The following YEATS4 variants were observed in gnomAD, a reference collection of about 807,000 sequenced individuals.
YEATS4 encodes the protein YEATS domain containing 4.
In YEATS4, 17 loss-of-function variants were observed where a neutral mutation model predicts 30.1. That is an observed-to-expected ratio of 0.56 (90% CI 0.39 to 0.85). YEATS4 has a LOEUF of 0.85. Among genes scored for constraint, YEATS4 ranks in the 40% least tolerant of loss-of-function variants. The pLI is 0.00. For synonymous variants in YEATS4, 85 were observed against 87.5 expected (o/e 0.97, Z 0.16); for missense variants, 142 against 268.3 (o/e 0.53, Z 3.29).
intron 6 of YEATS4, among the ~76,000 whole-genome samples, chr12:69,371,969 G>A (rs922694550): frequency 4.6e-5 from 7 of 152,206 alleles, no homozygotes; most frequent in Non-Finnish European, 7.3e-5. Context: ...TGAGGACAAA[G>A]GCCCTCAGGT....
downstream of YEATS4, among the ~76,000 whole-genome samples, chr12:69,394,685 G>A (rs779778375): frequency 6.6e-6 from 1 of 152,078 alleles, no homozygotes; most frequent in Admixed American, 6.6e-5. Context: ...CTGGAACACT[G>A]CAGCCTTGAC....
chr12:69,381,133 G>T (rs1256424688), intron 6 of YEATS4, among the ~76,000 whole-genome samples: 1 of 152,164 alleles, frequency 6.6e-6, no homozygotes, highest in African/African-American at 2.4e-5. Flanking sequence ...GTCCTAATAA[G>T]CCTGGGAGTG....
chr12:69,377,659 T>G (rs1253195687), intron 6 of YEATS4, among the ~76,000 whole-genome samples: 1 of 152,214 alleles, frequency 6.6e-6, no homozygotes, highest in Admixed American at 6.5e-5. Context: ...ATTCCTCTTG[T>G]TATTGATTTC....
Position 69,359,858 on chromosome 12 carries a change from G to T in YEATS4, c.-115G>T, listed in dbSNP as rs1196217581. The T allele has an allele frequency of 1.5e-6, 2 of 1,340,064 alleles. No individual in the cohort carries two copies. Among genetic ancestry groups the T allele is most frequent in the Non-Finnish European group, 2.1e-6 (2 of 969,378 alleles). The allele number at this position is 1,340,064 out of a possible 1,614,324, so 83.0% of individuals were successfully genotyped here. A position where few individuals can be genotyped will look rare whatever the true frequency, so the allele number is the denominator to read the frequency against. Reference sequence around the variant, plus strand: ...AGCCCAAGTAACTCGCCCTCCTTCGGCTAGAAACCCTCCGCCTGGGCCCGC... The same window carrying T: ...AGCCCAAGTAACTCGCCCTCCTTCGTCTAGAAACCCTCCGCCTGGGCCCGC... On this transcript the variant is annotated 5_prime_UTR_variant, in exon 1 of 7. Transcript: ENST00000247843.
rs750050342 is a variant in YEATS4 at position 69,387,042 on chromosome 12, T to G, written c.515-3105T>G. Among the ~76,000 whole-genome samples the G allele has an allele frequency of 3.9e-5, 6 of 152,096 alleles. No homozygotes were observed. The South Asian group carries it at 1.0e-3, about 26-fold the overall frequency. The stretch of plus-strand genomic sequence containing the variant: ...TCTTATTCTACTTTTTACTCACCTA[T>G]TTTCAGACCGCTATTGACAGTGGCT... On this transcript the variant is annotated intron_variant, in intron 6 of 6. Transcript: ENST00000247843.
the YEATS4 span, among the ~76,000 whole-genome samples, chr12:69,421,453 T>C: frequency 6.6e-6 from 1 of 152,164 alleles, no homozygotes; most frequent in Non-Finnish European, 1.5e-5. Context: ...CTACTGCAAA[T>C]TCGTATTCAC....
At chr12:69,389,728 G>A (rs573834921) in intron 6 of YEATS4, among the ~76,000 whole-genome samples, 1 of 152,032 alleles carries the variant, frequency 6.6e-6, no homozygotes, top group African/African-American at 2.4e-5. Context: ...GGCCAGGTTG[G>A]TCTCGAACTC....
Position 69,359,775 on chromosome 12 carries a change from C to G in YEATS4, c.-198C>G. The G allele has an allele frequency of 3.2e-6, 2 of 615,908 alleles. No individual in the cohort carries two copies. Among genetic ancestry groups the G allele is most frequent in the South Asian group, 2.2e-5 (1 of 46,284 alleles). The allele number at this position is 615,908 out of a possible 1,614,324, so 38.2% of individuals were successfully genotyped here. A position where few individuals can be genotyped will look rare whatever the true frequency, so the allele number is the denominator to read the frequency against. On this transcript the variant is annotated 5_prime_UTR_variant, in exon 1 of 7. Coordinates refer to ENST00000247843, the MANE Select transcript of YEATS4 (RefSeq NM_006530.4). ...CGCGGCGTTCTCCACCTGCGCGGGC[C>G]TGAATGGCCTTCAGGAGCACAGTCG...
chr12:69,363,341 G>A (rs546743849), intron 2 of YEATS4, among the ~76,000 whole-genome samples: 14 of 152,172 alleles, frequency 9.2e-5, no homozygotes, highest in South Asian at 2.1e-4. Flanking sequence ...AAATTGGTCC[G>A]TTGTAGGAAT....
the YEATS4 span, among the ~76,000 whole-genome samples, chr12:69,414,014 C>A: frequency 6.6e-6 from 1 of 152,096 alleles, no homozygotes; most frequent in African/African-American, 2.4e-5. Context: ...TAATTGAATC[C>A]TGCTCTCCCA....
intron 6 of YEATS4, among the ~76,000 whole-genome samples, chr12:69,380,584 G>T (rs1016691092): frequency 6.6e-6 from 1 of 152,274 alleles, no homozygotes; most frequent in Non-Finnish European, 1.5e-5. Flanking sequence ...CTTGCCCAAG[G>T]CCCACTGTAA....
At chr12:69,410,299 T>G in the YEATS4 span, among the ~76,000 whole-genome samples, 6 of 152,220 alleles carry the variant, frequency 3.9e-5, no homozygotes, top group Non-Finnish European at 1.5e-5. Context: ...TCTTTGTACC[T>G]CAATAGATTT....
At chr12:69,382,113 C>G (rs899356334) in intron 6 of YEATS4, among the ~76,000 whole-genome samples, 15 of 152,166 alleles carry the variant, frequency 9.9e-5, no homozygotes, top group African/African-American at 3.4e-4. Context: ...TGACCATTTC[C>G]CATGAATAAT....
chr12:69,396,919 G>A, the YEATS4 span, among the ~76,000 whole-genome samples: 53 of 152,204 alleles, frequency 3.5e-4, no homozygotes, highest in Middle Eastern at 3.4e-3. Context: ...ACTACTGCGA[G>A]TTTATAGTTA....
intron 6 of YEATS4, among the ~76,000 whole-genome samples, chr12:69,383,055 C>T (rs1045018030): frequency 1.3e-5 from 2 of 152,028 alleles, no homozygotes; most frequent in Admixed American, 6.6e-5. Flanking sequence ...GAGCCCAGGA[C>T]TTCAAGACTA....
At chr12:69,413,077 G>A in the YEATS4 span, among the ~76,000 whole-genome samples, 2 of 152,156 alleles carry the variant, frequency 1.3e-5, no homozygotes, top group South Asian at 2.1e-4. Flanking sequence ...TAGAAACACT[G>A]GCAGAGAGTA....
the YEATS4 span, among the ~76,000 whole-genome samples, chr12:69,414,952 C>T: frequency 6.6e-6 from 1 of 152,138 alleles, no homozygotes; most frequent in African/African-American, 2.4e-5. Flanking sequence ...AAGAAAGTCT[C>T]CATCAATGTA....
the YEATS4 span, among the ~76,000 whole-genome samples, chr12:69,404,435 G>C: frequency 2.0e-5 from 3 of 152,172 alleles, no homozygotes; most frequent in Non-Finnish European, 4.4e-5. Context: ...CTCAGAGGTG[G>C]GTTAGTTATT....
the YEATS4 span, among the ~76,000 whole-genome samples, chr12:69,412,132 A>G: frequency 1.7e-3 from 256 of 152,286 alleles, no homozygotes; most frequent in African/African-American, 5.9e-3. Context: ...TGTCTGTGCA[A>G]CTGCAGATTC....
Sources: gnomAD v4.1 joint callset for allele counts (sites outside exome capture counted in the v4.1 genomes callset) on GRCh38, gnomAD v4.1.1 for gene constraint, MANE v1.5 for transcripts, NCBI Gene and HGNC (gene_info 2026-07-23, HGNC 2026-07-21) for gene names.